TRAFD1: variants seen among roughly 807,000 people sequenced by gnomAD.
TRAFD1 encodes TRAF-type zinc finger domain-containing protein 1.
TRAFD1 carries 38 observed loss-of-function variants against 65.3 expected under a neutral mutation model. The ratio of observed to expected loss-of-function variants is 0.58; its 90% CI spans 0.45 to 0.76. TRAFD1 has a LOEUF of 0.76. TRAFD1 is among the 30% of genes least tolerant of loss of function. TRAFD1 has a pLI of 0.00. For synonymous variants in TRAFD1, 223 were observed against 257.2 expected (o/e 0.87, Z 1.27); for missense variants, 631 against 712.6 (o/e 0.89, Z 1.30).
intron 3 of TRAFD1, 31 bp downstream of exon 3, chr12:112,134,904 A>G (rs1172532860): frequency 5.6e-6 from 9 of 1,611,608 alleles, no homozygotes; most frequent in Non-Finnish European, 7.6e-6. Flanking sequence ...ATGTTTATAC[A>G]TGTGTTATAC....
chr12:112,132,700 G>A (rs2136969712), intron 2 of TRAFD1, among the ~76,000 whole-genome samples: 1 of 152,216 alleles, frequency 6.6e-6, no homozygotes, highest in South Asian at 2.1e-4. Flanking sequence ...GCACTTCCTT[G>A]GTGTCTTGGT....
At chr12:112,138,231 C>A (rs1176341386) in intron 4 of TRAFD1, among the ~76,000 whole-genome samples, 2 of 151,784 alleles carry the variant, frequency 1.3e-5, no homozygotes, top group Non-Finnish European at 2.9e-5. Context: ...CAAAGTAAGA[C>A]CCTGTTTCAA....
intron 2 of TRAFD1, among the ~76,000 whole-genome samples, chr12:112,134,468 T>C (rs1203674529): frequency 6.8e-6 from 1 of 147,946 alleles, no homozygotes. Context: ...GTTGGCCAGG[T>C]TGGTCTCGAA....
chr12:112,138,884 A>G (rs1170608230), intron 4 of TRAFD1, among the ~76,000 whole-genome samples: 1 of 151,948 alleles, frequency 6.6e-6, no homozygotes, highest in Admixed American at 6.6e-5. Context: ...AAATTAAACT[A>G]AAGTTCTATT....
In TRAFD1 at chr12:112,151,971, C is replaced by G; in HGVS notation, c.1450C>G (p.Pro484Ala). ...PGCQPSSPCV[P>A]KLSNSDSQDI... ...GTGCCAGCCCAGCTCTCCTTGTGTG[C>G]CGAAGCTCAGCAACTCAGACAGCCA... is the stretch of plus-strand genomic sequence containing the variant. The change falls in exon 10 of 12, where the codon CCG (proline) becomes GCG (alanine). Residue 484 changes from proline to alanine, a missense_variant. Pro to Ala is a conservative substitution (Grantham distance 27). Transcript: ENST00000412615. 1 of 1,614,228 alleles carries G rather than the reference C, an allele frequency of 6.2e-7. No homozygotes were observed.
intron 4 of TRAFD1, among the ~76,000 whole-genome samples, chr12:112,140,526 G>A (rs1187434224): frequency 6.6e-6 from 1 of 152,030 alleles, no homozygotes; most frequent in African/African-American, 2.4e-5. Flanking sequence ...TTTGCTCCTG[G>A]GCTTCTCTGG....
chr12:112,129,682 C>T (rs187747760), intron 1 of TRAFD1, among the ~76,000 whole-genome samples: 6 of 152,184 alleles, frequency 3.9e-5, no homozygotes, highest in Admixed American at 1.3e-4. Context: ...CTTACTCTGT[C>T]GCTAGGGTGG....
At chr12:112,150,366 C>T (rs1467243961) in intron 9 of TRAFD1, among the ~76,000 whole-genome samples, 1 of 152,020 alleles carries the variant, frequency 6.6e-6, no homozygotes. Context: ...CCTCTCTCCT[C>T]AGCCTCCCAA....
At chr12:112,144,798 T>C (rs1169413298) in intron 6 of TRAFD1, among the ~76,000 whole-genome samples, 2 of 152,062 alleles carry the variant, frequency 1.3e-5, no homozygotes, top group African/African-American at 4.8e-5. Context: ...TGGGAGGATC[T>C]CTTGAGCCTG....
At chr12:112,138,595 C>T (rs1253760202) in intron 4 of TRAFD1, among the ~76,000 whole-genome samples, 1 of 149,284 alleles carries the variant, frequency 6.7e-6, no homozygotes, top group Non-Finnish European at 1.5e-5. Context: ...TGGTGGCTCA[C>T]GCCTGTAATC....
rs934934115 is a variant in TRAFD1, at chr12:112,141,007, G to C, written c.426G>C (p.Lys142Asn). ...PEVCGREGEE[K>N]RNEVAIPPNA... ...TTTGTGGGAGAGAGGGGGAGGAAAA[G>C]AGAAATGAGGTTGCCATACCTCCTA... Residue 142 changes from lysine to asparagine, a missense_variant, in exon 5 of 12, where the codon AAG becomes AAC. Transcript: ENST00000412615. 1 of 1,614,212 alleles carries C rather than the reference G, an allele frequency of 6.2e-7. No homozygotes were observed. Among genetic ancestry groups the C allele is most frequent in the Admixed American group, 1.7e-5 (1 of 60,012 alleles).
At position 112,135,535 on chromosome 12, in the gene TRAFD1, G is replaced by A. The variant is rs182802224; in HGVS notation, c.237+469G>A. The stretch of plus-strand genomic sequence containing the variant: ...TGCAACCTCTGCCTCCCAGGTTCAA[G>A]CAATTCTCCTGCCTCGGCCTCCTGA... On this transcript the variant is annotated intron_variant, in intron 4 of 11. Transcript: ENST00000412615. Among the ~76,000 whole-genome samples, 21 of 152,166 alleles carry A rather than the reference G, an allele frequency of 1.4e-4. No individual in the cohort carries two copies. In the East Asian group the frequency reaches 3.9e-3, roughly 28 times the overall value.
At chr12:112,127,474 C>T (rs929075349) in intron 1 of TRAFD1, among the ~76,000 whole-genome samples, 2 of 152,018 alleles carry the variant, frequency 1.3e-5, no homozygotes, top group East Asian at 1.9e-4. Context: ...TCTTCTTTTT[C>T]TTTGAGACAG....
intron 1 of TRAFD1, among the ~76,000 whole-genome samples, chr12:112,129,860 T>C (rs1046885095): frequency 1.3e-5 from 2 of 152,106 alleles, no homozygotes; most frequent in African/African-American, 4.8e-5. Flanking sequence ...GCTAGGATGG[T>C]CTCGATCTCC....
At chr12:112,150,526 T>C (rs1314213392) in intron 9 of TRAFD1, among the ~76,000 whole-genome samples, 1 of 152,122 alleles carries the variant, frequency 6.6e-6, no homozygotes, top group African/African-American at 2.4e-5. Flanking sequence ...TGGGGTTACA[T>C]GCGTAGGCCA....
At position 112,151,991 on chromosome 12, in the gene TRAFD1, C is replaced by T. The variant is rs1428034801; in HGVS notation, c.1470C>T (p.Asp490=). 5.6e-6 allele frequency: 9 copies of T among 1,614,148 alleles called. No individual in the cohort carries two copies. Among genetic ancestry groups the T allele is most frequent in the African/African-American group, 1.3e-5 (1 of 74,944 alleles). ...SPCVPKLSNS[D]SQDIQGRNRD... ...GTGTGCCGAAGCTCAGCAACTCAGA[C>T]AGCCAGGACATCCAGGGGCGGAATC... The change falls in exon 10 of 12, where the codon GAC becomes GAT. Residue 490 remains aspartate, a synonymous_variant. Coordinates refer to ENST00000412615, the MANE Select transcript of TRAFD1 (RefSeq NM_006700.3).
At chr12:112,126,884 C>T (rs1405316853) in intron 1 of TRAFD1, among the ~76,000 whole-genome samples, 1 of 152,132 alleles carries the variant, frequency 6.6e-6, no homozygotes, top group Non-Finnish European at 1.5e-5. Flanking sequence ...GAACCCCAGA[C>T]CTCCAGTGAT....
chr12:112,130,668 G>A lies in TRAFD1; in HGVS notation c.47+99G>A. The stretch of plus-strand genomic sequence containing the variant: ...AAAACTGTTAGTGAAGACTGGCACA[G>A]TCTTGAGTTAAGCTTTCTATTTTGG... On this transcript the variant is annotated intron_variant, in intron 2 of 11. Coordinates refer to ENST00000412615, the MANE Select transcript of TRAFD1 (RefSeq NM_006700.3). The surrounding 1 kb of genome is among the most constrained non-coding windows in gnomAD (Gnocchi z 4.4). The A allele has an allele frequency of 9.9e-6, 10 of 1,013,416 alleles. No homozygotes were observed. Among genetic ancestry groups the A allele is most frequent in the Non-Finnish European group, 1.5e-5 (10 of 681,652 alleles). The allele number at this position is 1,013,416 out of a possible 1,614,324, so 62.8% of individuals were successfully genotyped here. A position where few individuals can be genotyped will look rare whatever the true frequency, so the allele number is the denominator to read the frequency against.
intron 1 of TRAFD1, among the ~76,000 whole-genome samples, chr12:112,128,624 T>G (rs2079552487): frequency 6.6e-6 from 1 of 152,200 alleles, no homozygotes; most frequent in South Asian, 2.1e-4. Flanking sequence ...ATGTACCTTC[T>G]GATATAAGGC....
Sources: gnomAD v4.1 joint callset for allele counts (sites outside exome capture counted in the v4.1 genomes callset) on GRCh38, gnomAD v4.1.1 for gene constraint, Gnocchi (gnomAD v3.1) non-coding constraint, MANE v1.5 for transcripts, NCBI Gene and HGNC (gene_info 2026-07-23, HGNC 2026-07-21) for gene names.